Variants in KDM4C observed in about 807,000 individuals in gnomAD.
KDM4C encodes the protein lysine demethylase 4C.
Under a neutral mutation model 129.3 loss-of-function variants are expected in KDM4C, and 81 were observed. That is an observed-to-expected ratio of 0.63 (90% CI 0.52 to 0.75). KDM4C has a LOEUF of 0.75. Ranked by LOEUF, KDM4C falls within the 30% of genes least tolerant of loss-of-function variation. The probability of loss-of-function intolerance (pLI) is 0.00; values close to 1 mark genes in which losing one functional copy is unlikely to be tolerated. For synonymous variants in KDM4C, 573 were observed against 456.1 expected (o/e 1.26, Z -3.26); for missense variants, 1,457 against 1,304.0 (o/e 1.12, Z -1.81).
chr9:7,016,295 T>A (rs896597117), intron 15 of KDM4C, among the ~76,000 whole-genome samples: 1 of 151,682 alleles, frequency 6.6e-6, no homozygotes, highest in Admixed American at 6.6e-5. Context: ...GCCTGGCTAA[T>A]TTTTTGTATT....
Position 6,936,289 on chromosome 9 carries a change from G to A in KDM4C, c.921+43057G>A, listed in dbSNP as rs994698246. ...ATATGTTAGAAAGATACTACCCCAT[G>A]CAGAACTGCATGTCTATTTTTAAAA... On this transcript the variant is annotated intron_variant, in intron 8 of 21. Transcript: ENST00000381309. 7.2e-5 allele frequency among the ~76,000 whole-genome samples: 11 copies of A among 152,298 alleles called. No homozygotes were observed. In the East Asian group the frequency reaches 1.9e-3, roughly 27 times the overall value.
At chr9:6,924,977 G>A (rs1822212734) in intron 8 of KDM4C, 1 of 985,378 alleles carries the variant, frequency 1.0e-6, no homozygotes, top group Non-Finnish European at 1.2e-6. Context: ...TGGTAGAAGT[G>A]TTGATGTTTT....
At chr9:7,154,923 T>G (rs1556096) in intron 19 of KDM4C, among the ~76,000 whole-genome samples, 26,861 of 152,174 alleles carry the variant, frequency 0.18, 2,615 homozygotes, top group Middle Eastern at 0.33. Context: ...GATGGACTGC[T>G]TCAAAGAGTC....
chr9:6,861,000 T>C (rs113983490), intron 5 of KDM4C, among the ~76,000 whole-genome samples: 2,385 of 152,312 alleles, frequency 0.016, 69 homozygotes, highest in African/African-American at 0.054. Flanking sequence ...GTATGTTTGC[T>C]TAAGTTATTG....
intron 1 of KDM4C, among the ~76,000 whole-genome samples, chr9:6,724,525 ATTG>A (rs1019943573): frequency 1.3e-5 from 2 of 151,992 alleles, no homozygotes; most frequent in African/African-American, 2.4e-5. Flanking sequence ...TATTATTATT[ATTG>A]TTATTATTAT....
intron 4 of KDM4C, among the ~76,000 whole-genome samples, chr9:6,844,421 C>A (rs1046400121): frequency 6.6e-6 from 1 of 152,170 alleles, no homozygotes; most frequent in East Asian, 1.9e-4. Flanking sequence ...GTTTTACTGA[C>A]TTAAACATTT....
At chr9:6,847,691 G>A (rs1838103708) in intron 4 of KDM4C, among the ~76,000 whole-genome samples, 1 of 152,124 alleles carries the variant, frequency 6.6e-6, no homozygotes, top group East Asian at 1.9e-4. Context: ...CGCCCGGCCG[G>A]ATCTTCTCTA....
chr9:7,102,001 C>G (rs1316296692), intron 17 of KDM4C, among the ~76,000 whole-genome samples: 1 of 152,072 alleles, frequency 6.6e-6, no homozygotes, highest in Non-Finnish European at 1.5e-5. Flanking sequence ...TGTAATGAAA[C>G]TGATAGCATG....
intron 7 of KDM4C, among the ~76,000 whole-genome samples, chr9:6,889,251 G>GTGTGTGTGTGTGTGTGTGT (rs61683546): frequency 7.2e-6 from 1 of 137,980 alleles, no homozygotes; most frequent in Admixed American, 7.2e-5. Context: ...GTGTGTGTGT[G>GTGTGTGTGTGTGTGTGTGT]GGAGGGTGGG....
intron 17 of KDM4C, among the ~76,000 whole-genome samples, chr9:7,085,212 C>G (rs942366144): frequency 6.6e-6 from 1 of 152,204 alleles, no homozygotes; most frequent in Non-Finnish European, 1.5e-5. Context: ...GCACACTGGG[C>G]TTTGAAGGGG....
chr9:6,990,593 A>G (rs1563944357), intron 12 of KDM4C, 69 bp downstream of exon 12: 5 of 1,027,226 alleles, frequency 4.9e-6, no homozygotes, highest in Non-Finnish European at 7.2e-6. Context: ...ATTGTAAAAA[A>G]AATTGCTGAA....
chr9:6,749,682 A>AG (rs2130299626), intron 1 of KDM4C, among the ~76,000 whole-genome samples: 1 of 152,144 alleles, frequency 6.6e-6, no homozygotes, highest in South Asian at 2.1e-4. Flanking sequence ...AAATAAAAAA[A>AG]TAAAATTAAA....
rs1822767666 is a variant in KDM4C, at chr9:7,011,855, C to T, written c.1944C>T (p.Cys648=). The stretch of plus-strand genomic sequence containing the variant: ...GGATGAAGCCACACTGTGCCATCTG[C>T]ACTCTGCTCATGCCGTACCACAAGG... ...VARMKPHCAI[C]TLLMPYHKPD... The change falls in exon 13 of 22, where the codon TGC becomes TGT. Residue 648 remains cysteine (C), a synonymous_variant. Transcript: ENST00000381309. 3.1e-6 allele frequency: 5 copies of T among 1,613,798 alleles called. No homozygotes were observed. Among genetic ancestry groups the T allele is most frequent in the Middle Eastern group, 1.7e-4 (1 of 5,854 alleles).
At chr9:6,897,266 A>G (rs1816615617) in intron 8 of KDM4C, among the ~76,000 whole-genome samples, 1 of 152,194 alleles carries the variant, frequency 6.6e-6, no homozygotes, top group African/African-American at 2.4e-5. Flanking sequence ...GAGAGAGTGA[A>G]GGGACATTTA....
intron 19 of KDM4C, among the ~76,000 whole-genome samples, chr9:7,162,035 T>A (rs529513838): frequency 6.6e-6 from 1 of 152,326 alleles, no homozygotes; most frequent in Non-Finnish European, 1.5e-5. Context: ...AAGGAGTAAA[T>A]ACTGAATTTT....
chr9:7,116,684 C>G (rs1838933688), intron 18 of KDM4C, among the ~76,000 whole-genome samples: 1 of 152,164 alleles, frequency 6.6e-6, no homozygotes, highest in Non-Finnish European at 1.5e-5. Context: ...GCGAGGTAGG[C>G]AGAATCTGCA....
At chr9:6,956,100 G>A (rs1228774800) in intron 8 of KDM4C, among the ~76,000 whole-genome samples, 1 of 152,176 alleles carries the variant, frequency 6.6e-6, no homozygotes, top group Non-Finnish European at 1.5e-5. Flanking sequence ...CAGAGGCTGA[G>A]GAGGGTAGTT....
At chr9:7,033,307 A>T (rs1827095071) in intron 15 of KDM4C, among the ~76,000 whole-genome samples, 1 of 152,168 alleles carries the variant, frequency 6.6e-6, no homozygotes, top group African/African-American at 2.4e-5. Context: ...GCGGGTAGCC[A>T]AGTGGTTGCT....
chr9:7,036,963 T>C (rs1827761764), intron 15 of KDM4C, among the ~76,000 whole-genome samples: 1 of 152,204 alleles, frequency 6.6e-6, no homozygotes, highest in East Asian at 1.9e-4. Flanking sequence ...GGAATTTCCA[T>C]TTAAAAGGTA....
Sources: gnomAD v4.1 joint callset for allele counts (sites outside exome capture counted in the v4.1 genomes callset) on GRCh38, gnomAD v4.1.1 for gene constraint, MANE v1.5 for transcripts, NCBI Gene and HGNC (gene_info 2026-07-23, HGNC 2026-07-21) for gene names.